TJAP1: variants seen among roughly 807,000 people sequenced by gnomAD.
The protein encoded by TJAP1 is tight junction associated protein 1.
A neutral mutation model predicts 42.0 loss-of-function variants in TJAP1; 27 were observed. That is an observed-to-expected ratio of 0.64 (90% confidence interval 0.47 to 0.89). The LOEUF (loss-of-function observed/expected upper bound fraction) is 0.89. Among genes scored for constraint, TJAP1 ranks in the 40% least tolerant of loss-of-function variants. TJAP1 has a pLI of 0.00. For synonymous variants in TJAP1, 257 were observed against 288.4 expected (o/e 0.89, Z 1.10); for missense variants, 712 against 726.9 (o/e 0.98, Z 0.24).
chr6:43,503,606 C>G lies in TJAP1; in HGVS notation c.496-17C>G. ...GAGAGGGCTGGGCTGGGCTCTGAAA[C>G]AGGTCTGTGTCTGTAGGAGCGGTAC... On this transcript the variant is annotated splice_polypyrimidine_tract_variant and intron_variant, in intron 9 of 10. Coordinates refer to ENST00000372449, the Ensembl canonical transcript of TJAP1. 1 of 1,613,498 alleles carries G rather than the reference C, an allele frequency of 6.2e-7. No homozygotes were observed. Among genetic ancestry groups the G allele is most frequent in the Admixed American group, 1.7e-5 (1 of 60,008 alleles).
chr6:43,486,354 CTTTT>C (rs1160469279), intron 2 of TJAP1, among the ~76,000 whole-genome samples: 1 of 110,762 alleles, frequency 9.0e-6, no homozygotes. Flanking sequence ...TTTCCAGTAG[CTTTT>C]TTTTTTTTTT....
At chr6:43,479,485 A>G (rs1050884615) in intron 2 of TJAP1, among the ~76,000 whole-genome samples, 5 of 152,214 alleles carry the variant, frequency 3.3e-5, no homozygotes, top group African/African-American at 9.6e-5. Context: ...GTGAACACAC[A>G]TAACAGTTAA....
chr6:43,502,321 A>G (rs1362987018), exon 7 of TJAP1: 1 of 1,613,788 alleles, frequency 6.2e-7, no homozygotes, highest in Non-Finnish European at 8.5e-7. Context: ...CGGACCAACC[A>G]GGAGTTGGAG....
Position 43,505,104 on chromosome 6 carries a change from C to T in TJAP1, c.923C>T (p.Pro308Leu). ...TCCCCGGAGGAAGAGCTGCCCCTGC[C>T]AGCCTTTGAGAAGCTGAACCCCTAC... The change falls in exon 11 of 11, where the codon CCA becomes CTA. Residue 308 changes from proline to leucine, a missense_variant. Pro to Leu is a moderately conservative substitution (Grantham distance 98). This residue lies in a region of TJAP1 where 549 missense variants were observed against 528.2 expected (regional missense o/e 1.04). Coordinates refer to ENST00000372449, the Ensembl canonical transcript of TJAP1. The surrounding 1 kb of genome is among the most constrained non-coding windows in gnomAD (Gnocchi z 5.5). 6.2e-7 allele frequency: 1 copy of T among 1,614,018 alleles called. No individual in the cohort carries two copies. Among genetic ancestry groups the T allele is most frequent in the Non-Finnish European group, 8.5e-7 (1 of 1,179,864 alleles).
At chr6:43,480,914 GAT>G (rs1446331323) in intron 2 of TJAP1, among the ~76,000 whole-genome samples, 1 of 152,156 alleles carries the variant, frequency 6.6e-6, no homozygotes, top group African/African-American at 2.4e-5. Context: ...ATTTGCTTAA[GAT>G]CACCCAGCTA....
chr6:43,502,733 C>G, intron 8 of TJAP1, 116 bp downstream of exon 8: 2 of 1,196,680 alleles, frequency 1.7e-6, no homozygotes, highest in South Asian at 1.3e-5. Context: ...GCTCCTTTCT[C>G]TTCCCTGTAT....
chr6:43,481,897 C>T (rs1433627117), intron 2 of TJAP1, among the ~76,000 whole-genome samples: 1 of 152,180 alleles, frequency 6.6e-6, no homozygotes, highest in African/African-American at 2.4e-5. Context: ...TCTACCCTGC[C>T]ATTGAAGTAG....
intron 2 of TJAP1, among the ~76,000 whole-genome samples, chr6:43,481,647 G>C (rs1785347023): frequency 6.6e-6 from 1 of 151,620 alleles, no homozygotes; most frequent in Admixed American, 6.6e-5. Context: ...TGGGAAAATA[G>C]AAAACAAATG....
At position 43,495,272 on chromosome 6, in the gene TJAP1, GTCC is replaced by G. The variant is rs576500307; in HGVS notation, c.-121-2604_-121-2602del. Among the ~76,000 whole-genome samples the G allele has an allele frequency of 3.9e-5, 6 of 152,342 alleles. No individual in the cohort carries two copies. In the East Asian group the frequency reaches 1.2e-3, roughly 29 times the overall value. ...GTTATCCACTGCACCATGCATCACT[GTCC>G]TCCTTGGGTCTGTCCGGACTTTCCC... On this transcript the variant is annotated intron_variant, in intron 2 of 10. Transcript: ENST00000372449. This position sits in a 1 kb window ranked among gnomAD's most constrained non-coding sequence, Gnocchi z 4.6.
At chr6:43,500,016 T>C (rs1295377101) in intron 4 of TJAP1, among the ~76,000 whole-genome samples, 1 of 152,208 alleles carries the variant, frequency 6.6e-6, no homozygotes, top group Non-Finnish European at 1.5e-5. Flanking sequence ...TCAGAGTCAA[T>C]GGACAAAGGA....
In TJAP1 at chr6:43,495,596, T is replaced by C. The variant is rs146851893; in HGVS notation, c.-121-2285T>C. On this transcript the variant is annotated intron_variant, in intron 2 of 10. Transcript: ENST00000372449. This position sits in a 1 kb window ranked among gnomAD's most constrained non-coding sequence, Gnocchi z 4.6. Reference sequence around the variant, plus strand: ...TTCCTTAGTTGGGAGTGGTTTCCCATACCTGTAACTCTGACATGCGTGGAA... The same window carrying C: ...TTCCTTAGTTGGGAGTGGTTTCCCACACCTGTAACTCTGACATGCGTGGAA... 6.6e-6 allele frequency among the ~76,000 whole-genome samples: 1 copy of C among 152,212 alleles called. No individual in the cohort carries two copies. Among genetic ancestry groups the C allele is most frequent in the African/African-American group, 2.4e-5 (1 of 41,528 alleles).
chr6:43,481,472 G>C lies in TJAP1; in HGVS notation c.-122+3240G>C, dbSNP rs150607464. On this transcript the variant is annotated intron_variant, in intron 2 of 10. Transcript: ENST00000372449. The stretch of plus-strand genomic sequence containing the variant: ...GTCTGGATATAATTTTTAAAAAATA[G>C]CAAGACATCACCCCCCCCCCAAAAA... 3.6e-4 allele frequency among the ~76,000 whole-genome samples: 52 copies of C among 143,220 alleles called. 1 individual carries two copies. The East Asian group carries it at 9.5e-3, about 26-fold the overall frequency. 94.0% of individuals were successfully genotyped at this position (143,220 alleles called of 152,430 possible).
intron 2 of TJAP1, among the ~76,000 whole-genome samples, chr6:43,490,816 C>T (rs1165220311): frequency 1.3e-5 from 2 of 152,182 alleles, no homozygotes; most frequent in African/African-American, 4.8e-5. Context: ...GACCTGGCTT[C>T]GGATTCCACA....
chr6:43,502,463 G>T, intron 7 of TJAP1, 114 bp downstream of exon 7: 1 of 1,489,500 alleles, frequency 6.7e-7, no homozygotes, highest in Non-Finnish European at 9.2e-7. Flanking sequence ...ATGGTGGGAT[G>T]GGGCAGTGGT....
intron 8 of TJAP1, chr6:43,503,137 CAG>C (rs1791361523): frequency 1.9e-6 from 1 of 522,318 alleles, no homozygotes; most frequent in African/African-American, 1.9e-5. Context: ...CCTGGAACCT[CAG>C]GGGATGGACA....
intron 2 of TJAP1, among the ~76,000 whole-genome samples, chr6:43,485,756 T>C (rs1786319842): frequency 6.6e-6 from 1 of 152,218 alleles, no homozygotes. Flanking sequence ...TTGGTTACTG[T>C]GTGACCCAAC....
Position 43,505,758 on chromosome 6 carries a change from G to T in TJAP1, c.1577G>T (p.Ser526Ile). Residue 526 changes from serine (S) to isoleucine (I), a missense_variant, in exon 11 of 11, where the codon AGT (serine) becomes ATT (isoleucine). Physicochemically the swap from Ser to Ile is moderately radical, Grantham distance 142. Coordinates refer to ENST00000372449, the Ensembl canonical transcript of TJAP1. The surrounding 1 kb of genome is among the most constrained non-coding windows in gnomAD (Gnocchi z 5.5). ...AGGGCCTGGCCACTCCCCAGCTCCA[G>T]TCGCCCCCAGCGCAGCCCCAAGAGG... 1 of 1,521,922 alleles carries T rather than the reference G, an allele frequency of 6.6e-7. No homozygotes were observed. The highest frequency in any genetic ancestry group is 1.4e-5 in the African/African-American group (1 of 71,896). 94.3% of individuals were successfully genotyped at this position (1,521,922 alleles called of 1,614,324 possible).
rs1219735975 is a variant in TJAP1 at position 43,502,803 on chromosome 6, T to TCTG, written c.387+188_387+190dup. The TCTG allele has an allele frequency of 7.1e-6, 5 of 706,110 alleles. No individual in the cohort carries two copies. In the African/African-American group the frequency reaches 8.8e-5, roughly 12 times the overall value. 43.7% of individuals were successfully genotyped at this position (706,110 alleles called of 1,614,324 possible). On this transcript the variant is annotated intron_variant, in intron 8 of 10. Transcript: ENST00000372449. ...GAGAGAGGTGGGGAGCCTAGCCTGC[T>TCTG]CTGCCCTTGGCTCTGGTAGAGGTAC... is the stretch of plus-strand genomic sequence containing the variant.
At chr6:43,485,798 G>A (rs576085807) in intron 2 of TJAP1, among the ~76,000 whole-genome samples, 3 of 152,114 alleles carry the variant, frequency 2.0e-5, no homozygotes, top group Non-Finnish European at 4.4e-5. Flanking sequence ...TAAAGAAGAT[G>A]GAATCTATCT....
Sources: allele counts gnomAD v4.1 joint callset (sites outside exome capture counted in the v4.1 genomes callset), GRCh38; gene constraint gnomAD v4.1.1; regional missense constraint gnomAD v4.1.1; non-coding constraint Gnocchi (gnomAD v3.1); transcripts MANE v1.5; gene names NCBI Gene and HGNC (gene_info 2026-07-23, HGNC 2026-07-21).